Variants in GID8 observed in about 807,000 individuals in gnomAD.
GID8 encodes the protein glucose-induced degradation protein 8 homolog.
In GID8, 6 loss-of-function variants were observed where a neutral mutation model predicts 27.4. That is an observed-to-expected ratio of 0.22 (90% CI 0.12 to 0.43). The LOEUF (loss-of-function observed/expected upper bound fraction) is 0.43, where lower values mean the gene tolerates loss of function less well. GID8 is among the 20% of genes least tolerant of loss of function. The pLI is 1.00. For missense variants in GID8, 173 were observed against 287.6 expected, an observed-to-expected ratio of 0.60 and a Z score of 2.88; for synonymous variants, 112 against 109.0, an observed-to-expected ratio of 1.03 and a Z score of -0.17.
intron 1 of GID8, among the ~76,000 whole-genome samples, chr20:62,939,709 T>C (rs1300155573): frequency 6.6e-6 from 1 of 152,170 alleles, no homozygotes; most frequent in African/African-American, 2.4e-5. Flanking sequence ...GATCTCACCT[T>C]GCTCTCCATC....
chr20:62,940,518 T>C (rs2065438573), intron 1 of GID8, among the ~76,000 whole-genome samples: 3 of 151,646 alleles, frequency 2.0e-5, no homozygotes, highest in Non-Finnish European at 4.4e-5. Flanking sequence ...CACGGCTAAT[T>C]TTTTGTATTT....
At chr20:62,940,591 C>T (rs2065438937) in intron 1 of GID8, among the ~76,000 whole-genome samples, 1 of 152,194 alleles carries the variant, frequency 6.6e-6, no homozygotes, top group South Asian at 2.1e-4. Flanking sequence ...CCTTGTGATC[C>T]GCCCGCCTCG....
chr20:62,943,768 T>C lies in GID8; in HGVS notation c.513+76T>C, dbSNP rs2065454077. The C allele has an allele frequency of 1.7e-6, 2 of 1,146,282 alleles. No homozygotes were observed. Among genetic ancestry groups the C allele is most frequent in the Non-Finnish European group, 2.6e-6 (2 of 773,278 alleles). The allele number at this position is 1,146,282 out of a possible 1,614,324, so 71.0% of individuals were successfully genotyped here. A position where few individuals can be genotyped will look rare whatever the true frequency, so the allele number is the denominator to read the frequency against. On this transcript the variant is annotated intron_variant, in intron 4 of 4. Coordinates refer to ENST00000266069, the MANE Select transcript of GID8 (RefSeq NM_017896.3). The surrounding 1 kb of genome is among the most constrained non-coding windows in gnomAD (Gnocchi z 4.7). ...GGGCTTCGTGACAACGCCAAGTGTG[T>C]GGCTTTGCTGTGTGGACTGAGAGAC...
At position 62,942,990 on chromosome 20, in the gene GID8, G is replaced by C; in HGVS notation, c.122G>C (p.Gly41Ala). 1.2e-6 allele frequency: 2 copies of C among 1,611,350 alleles called. No homozygotes were observed. The highest frequency in any genetic ancestry group is 1.7e-6 in the Non-Finnish European group (2 of 1,177,588). The change falls in exon 3 of 5, where the codon GGC becomes GCC. Residue 41 changes from glycine to alanine, a missense_variant. By Grantham distance (60) the Gly-to-Ala change is moderately conservative. Transcript: ENST00000266069. ...TGAAGATGGTTTTTCTATTCAGAGG[G>C]CTTTAAGGAAGCAGCGGAGAAGTTT... is the stretch of plus-strand genomic sequence containing the variant. ...RLIMNYLVTE[G>A]FKEAAEKFRM... is the part of the protein sequence containing the mutation.
At chr20:62,939,459 G>A (rs747900146) in intron 1 of GID8, among the ~76,000 whole-genome samples, 61 of 140,838 alleles carry the variant, frequency 4.3e-4, no homozygotes, top group Non-Finnish European at 1.7e-4. Flanking sequence ...CATGTTTTCA[G>A]CTCTGAGCTC....
chr20:62,944,939 C>T lies in GID8; in HGVS notation c.*27C>T, dbSNP rs1049483696. ...GCCTGCGCTTGCGTGGTGGATCCAA[C>T]ACCAGCCCTGCGTCGTGGGACTTGC... On this transcript the variant is annotated 3_prime_UTR_variant, in exon 5 of 5. Transcript: ENST00000266069. The T allele has an allele frequency of 6.3e-7, 1 of 1,594,838 alleles. No individual in the cohort carries two copies. The highest frequency in any genetic ancestry group is 8.5e-7 in the Non-Finnish European group (1 of 1,169,870).
In GID8 at chr20:62,943,290, A is replaced by G. The variant is rs558964812; in HGVS notation, c.315+107A>G. 179 of 1,015,508 alleles carry G rather than the reference A, an allele frequency of 1.8e-4. 1 individual carries two copies. The African/African-American group carries it at 2.6e-3, about 15-fold the overall frequency. 62.9% of individuals were successfully genotyped at this position (1,015,508 alleles called of 1,614,324 possible). On this transcript the variant is annotated intron_variant, in intron 3 of 4. Coordinates refer to ENST00000266069, the MANE Select transcript of GID8 (RefSeq NM_017896.3). This position sits in a 1 kb window ranked among gnomAD's most constrained non-coding sequence, Gnocchi z 4.7. ...TAATTTGCTTTAATAATGTTATTTCAATGCATGTGAGGGGGAGAGGTTTGA... is the reference window on the plus strand; with the variant it reads ...TAATTTGCTTTAATAATGTTATTTCGATGCATGTGAGGGGGAGAGGTTTGA...
intron 1 of GID8, 30 bp from the exon 2 acceptor site, chr20:62,941,461 C>T: frequency 7.9e-7 from 1 of 1,259,456 alleles, no homozygotes; most frequent in South Asian, 1.2e-5. Context: ...CATCTAAACC[C>T]CTCCCTCAGC....
Position 62,943,300 on chromosome 20 carries a change from A to G in GID8, c.315+117A>G. 1 of 976,226 alleles carries G rather than the reference A, an allele frequency of 1.0e-6. No individual in the cohort carries two copies. The highest frequency in any genetic ancestry group is 1.6e-5 in the South Asian group (1 of 62,690). 60.5% of individuals were successfully genotyped at this position (976,226 alleles called of 1,614,324 possible). A position where few individuals can be genotyped will look rare whatever the true frequency, so the allele number is the denominator to read the frequency against. On this transcript the variant is annotated intron_variant, in intron 3 of 4. Coordinates refer to ENST00000266069, the MANE Select transcript of GID8 (RefSeq NM_017896.3). The surrounding 1 kb of genome is among the most constrained non-coding windows in gnomAD (Gnocchi z 4.7). Reference sequence around the variant, plus strand: ...TAATAATGTTATTTCAATGCATGTGAGGGGGAGAGGTTTGAGTTTGCTCTT... The same window carrying G: ...TAATAATGTTATTTCAATGCATGTGGGGGGGAGAGGTTTGAGTTTGCTCTT...
intron 4 of GID8, 36 bp from the exon 5 acceptor site, chr20:62,944,703 G>A (rs564173060): frequency 6.3e-6 from 9 of 1,421,602 alleles, no homozygotes; most frequent in Admixed American, 1.7e-5. Context: ...TGCTCTGCGT[G>A]TATGGTGGTT....
chr20:62,944,945 C>T lies in GID8; in HGVS notation c.*33C>T, dbSNP rs1260133776. 6.3e-7 allele frequency: 1 copy of T among 1,582,720 alleles called. No individual in the cohort carries two copies. The highest frequency in any genetic ancestry group is 8.6e-7 in the Non-Finnish European group (1 of 1,162,922). ...GCTTGCGTGGTGGATCCAACACCAG[C>T]CCTGCGTCGTGGGACTTGCCTCAGA... is the stretch of plus-strand genomic sequence containing the variant. On this transcript the variant is annotated 3_prime_UTR_variant, in exon 5 of 5. Coordinates refer to ENST00000266069, the MANE Select transcript of GID8 (RefSeq NM_017896.3).
chr20:62,946,993 CTAGGGGAACACAAAT>C lies in GID8; in HGVS notation c.*2082_*2096del, dbSNP rs1290531724. On this transcript the variant is annotated 3_prime_UTR_variant, in exon 5 of 5. Coordinates refer to ENST00000266069, the MANE Select transcript of GID8 (RefSeq NM_017896.3). The stretch of plus-strand genomic sequence containing the variant: ...CAGCAATAGGAAGTCTCTCCACAAA[CTAGGGGAACACAAAT>C]GGGGTCATTCACGTGCCTGGACTGT... 2 of 152,220 alleles carry C rather than the reference CTAGGGGAACACAAAT, an allele frequency of 1.3e-5. No individual in the cohort carries two copies. The highest frequency in any genetic ancestry group is 1.3e-4 in the Admixed American group (2 of 15,284). The allele number at this position is 152,220 out of a possible 1,614,324, so 9.4% of individuals were successfully genotyped here. A position where few individuals can be genotyped will look rare whatever the true frequency, so the allele number is the denominator to read the frequency against.
chr20:62,941,916 T>C (rs537153287), intron 2 of GID8, among the ~76,000 whole-genome samples: 1 of 152,176 alleles, frequency 6.6e-6, no homozygotes, highest in South Asian at 2.1e-4. Context: ...CCTAAATAGT[T>C]GATCTCTTCT....
Position 62,945,497 on chromosome 20 carries a change from A to AG in GID8, c.*590dup. On this transcript the variant is annotated 3_prime_UTR_variant, in exon 5 of 5. Transcript: ENST00000266069. The stretch of plus-strand genomic sequence containing the variant: ...GTGTGGCTTTTGGGGGATGCGTGTG[A>AG]GGGGGCTATGTGTTTTTTAATTTTT... The AG allele has an allele frequency of 7.8e-6, 8 of 1,031,548 alleles. No homozygotes were observed. Among genetic ancestry groups the AG allele is most frequent in the Non-Finnish European group, 7.0e-6 (6 of 856,898 alleles). The allele number at this position is 1,031,548 out of a possible 1,614,324, so 63.9% of individuals were successfully genotyped here.
chr20:62,945,943 T>C lies in GID8; in HGVS notation c.*1031T>C, dbSNP rs1427372945. 3.9e-6 allele frequency: 5 copies of C among 1,289,468 alleles called. No homozygotes were observed. In the East Asian group the frequency reaches 2.2e-4, roughly 57 times the overall value. 79.9% of individuals were successfully genotyped at this position (1,289,468 alleles called of 1,614,324 possible). On this transcript the variant is annotated 3_prime_UTR_variant, in exon 5 of 5. Transcript: ENST00000266069. Reference sequence around the variant, plus strand: ...TCAGCTGGCTCTGCCGATGTCCTGCTTCTGTTCACTCACAGAACTGTCCCC... The same window carrying C: ...TCAGCTGGCTCTGCCGATGTCCTGCCTCTGTTCACTCACAGAACTGTCCCC...
At chr20:62,939,003 A>C (rs2065423695) in intron 1 of GID8, among the ~76,000 whole-genome samples, 2 of 151,986 alleles carry the variant, frequency 1.3e-5, no homozygotes, top group Non-Finnish European at 2.9e-5. Context: ...CTGTTGTCCC[A>C]GTTACTCTGG....
Position 62,943,814 on chromosome 20 carries a change from A to ATGC in GID8, c.513+124_513+126dup, listed in dbSNP as rs1429286933. Reference sequence around the variant, plus strand: ...GAGACAGGTGGCTTCTGTGCCTGGGATGCTAAGTGGTTCCTTCATGGCTTT... The same window carrying ATGC: ...GAGACAGGTGGCTTCTGTGCCTGGGATGCTGCTAAGTGGTTCCTTCATGGCTTT... On this transcript the variant is annotated intron_variant, in intron 4 of 4. Transcript: ENST00000266069. This position sits in a 1 kb window ranked among gnomAD's most constrained non-coding sequence, Gnocchi z 4.7. The ATGC allele has an allele frequency of 3.2e-6, 2 of 619,924 alleles. No individual in the cohort carries two copies. Among genetic ancestry groups the ATGC allele is most frequent in the Non-Finnish European group, 5.6e-6 (2 of 355,834 alleles). 38.4% of individuals were successfully genotyped at this position (619,924 alleles called of 1,614,324 possible).
rs547746346 is a variant in GID8 at position 62,940,187 on chromosome 20, C to CTT, written c.-12-1290_-12-1289dup. On this transcript the variant is annotated intron_variant, in intron 1 of 4. Coordinates refer to ENST00000266069, the MANE Select transcript of GID8 (RefSeq NM_017896.3). ...ACTCTCTTTTTCTTTTCTTTTTTTT[C>CTT]TTTTTTTTTTTTTTTGAGACGGAGT... 2.8e-3 allele frequency among the ~76,000 whole-genome samples: 376 copies of CTT among 132,238 alleles called. 4 individuals carry two copies. The highest frequency in any genetic ancestry group is 8.6e-3 in the African/African-American group (317 of 36,878). The allele number at this position is 132,238 out of a possible 152,430, so 86.8% of individuals were successfully genotyped here. A position where few individuals can be genotyped will look rare whatever the true frequency, so the allele number is the denominator to read the frequency against.
Position 62,943,500 on chromosome 20 carries a change from G to A in GID8, c.321G>A (p.Gln107=). 6.2e-7 allele frequency: 1 copy of A among 1,612,030 alleles called. No homozygotes were observed. The highest frequency in any genetic ancestry group is 1.1e-5 in the South Asian group (1 of 90,998). The stretch of plus-strand genomic sequence containing the variant: ...TTGTCTGTCTCTGCCTCCAGCAACA[G>A]CATTTGATCGAGCTGATCCGCCAGC... The part of the protein sequence containing the change: ...NRYLYFHLQQ[Q]HLIELIRQRE... Residue 107 remains glutamine (Q), a synonymous_variant, in exon 4 of 5, where the codon CAG becomes CAA. Transcript: ENST00000266069. The surrounding 1 kb of genome is among the most constrained non-coding windows in gnomAD (Gnocchi z 4.7).
Sources: allele counts gnomAD v4.1 joint callset (sites outside exome capture counted in the v4.1 genomes callset), GRCh38; gene constraint gnomAD v4.1.1; non-coding constraint Gnocchi (gnomAD v3.1); transcripts MANE v1.5; gene names NCBI Gene and HGNC (gene_info 2026-07-23, HGNC 2026-07-21).